RIPOR2: variants seen among roughly 807,000 people sequenced by gnomAD.
The protein encoded by RIPOR2 is RHO family interacting cell polarization regulator 2, also known as rho family-interacting cell polarization regulator 2.
RIPOR2 carries 39 observed loss-of-function variants against 114.5 expected under a neutral mutation model. That is an observed-to-expected ratio of 0.34 (90% CI 0.26 to 0.44). The LOEUF (loss-of-function observed/expected upper bound fraction) is 0.44, where lower values mean the gene tolerates loss of function less well. Among genes scored for constraint, RIPOR2 ranks in the 20% least tolerant of loss-of-function variants. The pLI is 1.00. For synonymous variants in RIPOR2, 445 were observed against 484.4 expected, an observed-to-expected ratio of 0.92 and a Z score of 1.07; for missense variants, 1,007 against 1,255.1, an observed-to-expected ratio of 0.80 and a Z score of 2.99.
At chr6:24,989,197 TCATTTTCATGGATATAA>T (rs1774672699) in intron 1 of RIPOR2, among the ~76,000 whole-genome samples, 1 of 152,162 alleles carries the variant, frequency 6.6e-6, no homozygotes, top group African/African-American at 2.4e-5. Context: ...ATTGTTTGCT[TCATTTTCATGGATATAA>T]TATCTTAAAC....
In RIPOR2 at chr6:24,896,828, G is replaced by A. The variant is rs1435831049; in HGVS notation, c.62-21011C>T. Among the ~76,000 whole-genome samples, 4 of 152,156 alleles carry A rather than the reference G, an allele frequency of 2.6e-5. No individual in the cohort carries two copies. The East Asian group carries it at 5.8e-4, about 22-fold the overall frequency. ...TGAGGCACAAGAATCACTTGAACCCGGGAGGCAGAGGTTGCAGTGAGCTGA... is the reference window on the plus strand; with the variant it reads ...TGAGGCACAAGAATCACTTGAACCCAGGAGGCAGAGGTTGCAGTGAGCTGA... On this transcript the variant is annotated intron_variant, in intron 1 of 21. Coordinates refer to ENST00000643898, the MANE Select transcript of RIPOR2 (RefSeq NM_001286445.3).
At chr6:24,965,085 C>A (rs1286585417) in intron 1 of RIPOR2, among the ~76,000 whole-genome samples, 3 of 151,890 alleles carry the variant, frequency 2.0e-5, no homozygotes, top group Admixed American at 2.0e-4. Flanking sequence ...TATCTTTTAA[C>A]CTTTCTTTCA....
Position 24,828,026 on chromosome 6 carries a change from C to T in RIPOR2, c.2665+111G>A, listed in dbSNP as rs969327511. 7.2e-6 allele frequency: 7 copies of T among 973,930 alleles called. No homozygotes were observed. In the African/African-American group the frequency reaches 8.4e-5, roughly 12 times the overall value. 60.3% of individuals were successfully genotyped at this position (973,930 alleles called of 1,614,324 possible). On this transcript the variant is annotated intron_variant, in intron 18 of 21. Transcript: ENST00000643898. ...ACTTAAAAGGCAAATTGCACCTCTACTGTGGACTTGAAAAATAAAAGGCCA... is the reference window on the plus strand; with the variant it reads ...ACTTAAAAGGCAAATTGCACCTCTATTGTGGACTTGAAAAATAAAAGGCCA...
chr6:24,965,219 C>T (rs1351595744), intron 1 of RIPOR2, among the ~76,000 whole-genome samples: 1 of 151,960 alleles, frequency 6.6e-6, no homozygotes, highest in Admixed American at 6.6e-5. Context: ...ATTACTGCAG[C>T]CTCCACCTCC....
intron 12 of RIPOR2, among the ~76,000 whole-genome samples, chr6:24,846,242 C>A (rs1338035760): frequency 6.6e-6 from 1 of 150,602 alleles, no homozygotes; most frequent in African/African-American, 2.4e-5. Flanking sequence ...TTCCCCCATA[C>A]AATCTTCCCA....
intron 1 of RIPOR2, among the ~76,000 whole-genome samples, chr6:24,997,321 G>C (rs1187784845): frequency 6.6e-6 from 1 of 152,062 alleles, no homozygotes; most frequent in East Asian, 1.9e-4. Context: ...AGTAAACACT[G>C]CGTTAGGCAT....
chr6:24,880,993 C>T (rs1766295060), intron 1 of RIPOR2, among the ~76,000 whole-genome samples: 3 of 152,204 alleles, frequency 2.0e-5, no homozygotes, highest in Admixed American at 2.0e-4. Context: ...CCTGTAATCC[C>T]AGCACTTTGG....
At chr6:25,040,881 G>A (rs1023766479) in intron 1 of RIPOR2, among the ~76,000 whole-genome samples, 2 of 152,112 alleles carry the variant, frequency 1.3e-5, no homozygotes, top group African/African-American at 2.4e-5. Context: ...ATGAGCTACC[G>A]CATCTGCCTG....
intron 12 of RIPOR2, among the ~76,000 whole-genome samples, chr6:24,845,983 T>C (rs1762228413): frequency 6.6e-6 from 1 of 152,192 alleles, no homozygotes; most frequent in African/African-American, 2.4e-5. Context: ...TGTGGTGGGC[T>C]GTGGCCAGAT....
intron 7 of RIPOR2, among the ~76,000 whole-genome samples, chr6:24,862,271 T>C (rs966755335): frequency 3.3e-5 from 5 of 152,232 alleles, no homozygotes; most frequent in Admixed American, 6.5e-5. Context: ...GCAGTCTCCA[T>C]TGAAGCTTGA....
Position 24,917,238 on chromosome 6 carries a change from T to C in RIPOR2, c.61+18600A>G, listed in dbSNP as rs539856475. On this transcript the variant is annotated intron_variant, in intron 1 of 21. Coordinates refer to ENST00000643898, the MANE Select transcript of RIPOR2 (RefSeq NM_001286445.3). ...ATGCTTTTAAAAAATATTGAGGACT[T>C]TGGGGACCCCTTGAAAGGGTCCTGG... is the stretch of plus-strand genomic sequence containing the variant. Among the ~76,000 whole-genome samples, 15 of 152,258 alleles carry C rather than the reference T, an allele frequency of 9.9e-5. No homozygotes were observed. The South Asian group carries it at 2.5e-3, about 25-fold the overall frequency.
intron 1 of RIPOR2, among the ~76,000 whole-genome samples, chr6:25,013,529 C>T (rs1775858185): frequency 6.6e-6 from 1 of 152,184 alleles, no homozygotes; most frequent in African/African-American, 2.4e-5. Flanking sequence ...GGTGAGCCCA[C>T]CTTCATCAGC....
chr6:24,872,466 GC>G (rs1375219135), intron 4 of RIPOR2, among the ~76,000 whole-genome samples: 2 of 152,014 alleles, frequency 1.3e-5, no homozygotes, highest in Non-Finnish European at 2.9e-5. Flanking sequence ...CGTTCCTCCC[GC>G]CTTGGCTTCC....
chr6:24,928,140 G>T (rs913811241), intron 1 of RIPOR2, among the ~76,000 whole-genome samples: 1 of 152,112 alleles, frequency 6.6e-6, no homozygotes, highest in Admixed American at 6.6e-5. Flanking sequence ...GATGCTTGTG[G>T]AGATTAATAG....
At chr6:24,875,162 T>C (rs1233279982) in intron 2 of RIPOR2, among the ~76,000 whole-genome samples, 1 of 152,248 alleles carries the variant, frequency 6.6e-6, no homozygotes, top group Non-Finnish European at 1.5e-5. Context: ...AAGACCTTTA[T>C]GATAACAGAA....
chr6:25,010,592 A>G (rs1775739045), intron 1 of RIPOR2, among the ~76,000 whole-genome samples: 1 of 152,300 alleles, frequency 6.6e-6, no homozygotes, highest in African/African-American at 2.4e-5. Flanking sequence ...TTCTTGTTAG[A>G]TGGCATTTTT....
chr6:24,988,131 C>A (rs760381769), intron 1 of RIPOR2, among the ~76,000 whole-genome samples: 2 of 152,294 alleles, frequency 1.3e-5, no homozygotes, highest in Non-Finnish European at 2.9e-5. Context: ...AACTAATTAA[C>A]CCAGGACTAA....
chr6:24,936,446 T>C (rs1771814000), upstream of RIPOR2, among the ~76,000 whole-genome samples: 1 of 152,220 alleles, frequency 6.6e-6, no homozygotes, highest in Non-Finnish European at 1.5e-5. Context: ...TTCTTTTCTT[T>C]TTTTCAAACC....
At chr6:24,913,150 AGTGTGTGTGT>A (rs10598852) in intron 1 of RIPOR2, among the ~76,000 whole-genome samples, 5 of 149,260 alleles carry the variant, frequency 3.3e-5, no homozygotes, top group Admixed American at 2.0e-4. Context: ...GCATGACTTG[AGTGTGTGTGT>A]GTGTGTGTGT....
Sources: gnomAD v4.1 joint callset for allele counts (sites outside exome capture counted in the v4.1 genomes callset) on GRCh38, gnomAD v4.1.1 for gene constraint, MANE v1.5 for transcripts, NCBI Gene and HGNC (gene_info 2026-07-23, HGNC 2026-07-21) for gene names.